The following LARP4 variants were observed in gnomAD, a reference collection of about 807,000 sequenced individuals.
LARP4 encodes the protein La ribonucleoprotein 4.
A neutral mutation model predicts 92.9 loss-of-function variants in LARP4; 29 were observed. That is an observed-to-expected ratio of 0.31 (90% CI 0.23 to 0.43). The LOEUF is 0.43. LARP4 is among the 20% of genes least tolerant of loss of function. The probability of loss-of-function intolerance (pLI) is 1.00; values close to 1 mark genes in which losing one functional copy is unlikely to be tolerated. For missense variants in LARP4, 732 were observed against 860.0 expected (o/e 0.85, Z 1.86); for synonymous variants, 279 against 284.1 (o/e 0.98, Z 0.18).
At chr12:50,416,673 G>C (rs1565954745) in intron 1 of LARP4, among the ~76,000 whole-genome samples, 1 of 151,934 alleles carries the variant, frequency 6.6e-6, no homozygotes, top group African/African-American at 2.4e-5. Context: ...CGCAGAGTGA[G>C]ACCCCATCTC....
At chr12:50,441,480 C>A in intron 7 of LARP4, 110 bp from the exon 8 acceptor site, 1 of 689,818 alleles carries the variant, frequency 1.4e-6, no homozygotes, top group Non-Finnish European at 2.4e-6. Flanking sequence ...AGTGGAATCA[C>A]CTACATAATT....
At chr12:50,474,212 T>C in intron 15 of LARP4, 45 bp downstream of exon 15, 2 of 1,468,342 alleles carry the variant, frequency 1.4e-6, no homozygotes, top group Non-Finnish European at 9.3e-7. Flanking sequence ...TACAATAGAT[T>C]AGATTTTTTT....
intron 1 of LARP4, among the ~76,000 whole-genome samples, chr12:50,413,098 C>T (rs1210214370): frequency 1.3e-5 from 2 of 151,926 alleles, no homozygotes; most frequent in African/African-American, 4.8e-5. Flanking sequence ...TGGTGGGCGC[C>T]TGTGATCCCA....
intron 10 of LARP4, among the ~76,000 whole-genome samples, chr12:50,456,770 A>G (rs1352760397): frequency 6.6e-6 from 1 of 152,128 alleles, no homozygotes; most frequent in African/African-American, 2.4e-5. Flanking sequence ...GGGTAAGATT[A>G]TGAGATCTGA....
intron 3 of LARP4, 122 bp downstream of exon 3, chr12:50,429,212 C>A: frequency 1.5e-6 from 1 of 682,330 alleles, no homozygotes; most frequent in Non-Finnish European, 2.4e-6. Context: ...AAGAAGGTTA[C>A]GTTAATGAAA....
At chr12:50,430,700 C>T (rs1473320055) in intron 4 of LARP4, 130 bp downstream of exon 4, 9 of 549,002 alleles carry the variant, frequency 1.6e-5, no homozygotes, top group Admixed American at 6.6e-5. Flanking sequence ...CTCATGTTGT[C>T]GCTGGGCTGG....
Position 50,435,539 on chromosome 12 carries a change from G to A in LARP4, c.450G>A (p.Gln150=), listed in dbSNP as rs750812094. The A allele has an allele frequency of 1.3e-6, 2 of 1,594,616 alleles. No homozygotes were observed. The highest frequency in any genetic ancestry group is 1.7e-6 in the Non-Finnish European group (2 of 1,162,880). Reference sequence around the variant, plus strand: ...TGATATCTCAAATGGATAGTGATCAGTTCATCCCAATTTGGACAGTTGCCA... The same window carrying A: ...TGATATCTCAAATGGATAGTGATCAATTCATCCCAATTTGGACAGTTGCCA... ...LYLISQMDSD[Q]FIPIWTVANM... Residue 150 remains glutamine (Q), a synonymous_variant, in exon 5 of 16, where the codon CAG becomes CAA. Coordinates refer to ENST00000398473, the MANE Select transcript of LARP4 (RefSeq NM_052879.5).
chr12:50,402,719 AAAGT>A, intron 1 of LARP4: 1 of 449,728 alleles, frequency 2.2e-6, no homozygotes, highest in Non-Finnish European at 4.4e-6. Context: ...TTACTTAGTA[AAAGT>A]AAAGTAGTTT....
At chr12:50,406,047 G>T (rs1944773337) in intron 1 of LARP4, among the ~76,000 whole-genome samples, 1 of 152,004 alleles carries the variant, frequency 6.6e-6, no homozygotes, top group Non-Finnish European at 1.5e-5. Context: ...ATTTGTGATT[G>T]ATTGCTCCAC....
chr12:50,411,380 T>TG (rs1945860433), intron 1 of LARP4, among the ~76,000 whole-genome samples: 1 of 152,070 alleles, frequency 6.6e-6, no homozygotes, highest in Non-Finnish European at 1.5e-5. Flanking sequence ...GATGGATTTT[T>TG]GCTCTGTTGC....
intron 4 of LARP4, among the ~76,000 whole-genome samples, chr12:50,433,689 G>C (rs1950017510): frequency 6.6e-6 from 1 of 150,710 alleles, no homozygotes; most frequent in Admixed American, 6.6e-5. Context: ...GCGTAGGCTG[G>C]AGTGCAGTGG....
Position 50,475,982 on chromosome 12 carries a change from C to T in LARP4, c.*118C>T, listed in dbSNP as rs1274590613. The T allele has an allele frequency of 1.1e-5, 9 of 817,150 alleles. No homozygotes were observed. Among genetic ancestry groups the T allele is most frequent in the Admixed American group, 2.9e-5 (1 of 34,222 alleles). 50.6% of individuals were successfully genotyped at this position (817,150 alleles called of 1,614,324 possible). A position where few individuals can be genotyped will look rare whatever the true frequency, so the allele number is the denominator to read the frequency against. On this transcript the variant is annotated 3_prime_UTR_variant, in exon 16 of 16. Transcript: ENST00000398473. ...GGAAGGAAACAAGAGAAAGTACGTC[C>T]ATTTCATTATGGATTTTGGAGTTGT...
chr12:50,444,875 A>T (rs1421247243), intron 8 of LARP4, among the ~76,000 whole-genome samples: 1 of 152,074 alleles, frequency 6.6e-6, no homozygotes, highest in Admixed American at 6.6e-5. Flanking sequence ...CCAGCAACGA[A>T]TTCTCTTAGT....
intron 10 of LARP4, among the ~76,000 whole-genome samples, chr12:50,455,276 C>T (rs779183862): frequency 4.6e-5 from 7 of 151,988 alleles, no homozygotes; most frequent in Non-Finnish European, 8.8e-5. Flanking sequence ...TTGCCTGGGA[C>T]GACTGGTCTT....
intron 1 of LARP4, among the ~76,000 whole-genome samples, chr12:50,423,844 T>G (rs1038628328): frequency 1.3e-5 from 2 of 150,614 alleles, no homozygotes; most frequent in African/African-American, 4.9e-5. Flanking sequence ...CTCCACCTCC[T>G]GGGTTCAAGC....
At chr12:50,425,934 G>T (rs1454988550) in intron 1 of LARP4, among the ~76,000 whole-genome samples, 13 of 152,024 alleles carry the variant, frequency 8.6e-5, no homozygotes, top group Non-Finnish European at 1.5e-4. Context: ...GGATTCCAGG[G>T]TTACAAATAG....
intron 1 of LARP4, among the ~76,000 whole-genome samples, chr12:50,409,455 G>A (rs1305880833): frequency 1.3e-5 from 2 of 152,034 alleles, no homozygotes; most frequent in African/African-American, 4.8e-5. Context: ...ACTGATTGAG[G>A]CCAGGAGTTC....
intron 10 of LARP4, among the ~76,000 whole-genome samples, chr12:50,459,921 G>A (rs1460972261): frequency 6.6e-6 from 1 of 151,120 alleles, no homozygotes; most frequent in East Asian, 2.0e-4. Context: ...GGCGGTTCAC[G>A]AGGTCAAGAG....
intron 1 of LARP4, among the ~76,000 whole-genome samples, chr12:50,405,975 TAAG>T (rs1944756288): frequency 1.3e-5 from 2 of 152,298 alleles, no homozygotes; most frequent in Non-Finnish European, 2.9e-5. Flanking sequence ...TATAGAGTGA[TAAG>T]AAAAAAGTCT....
Sources: gnomAD v4.1 joint callset for allele counts (sites outside exome capture counted in the v4.1 genomes callset) on GRCh38, gnomAD v4.1.1 for gene constraint, MANE v1.5 for transcripts, NCBI Gene and HGNC (gene_info 2026-07-23, HGNC 2026-07-21) for gene names.